Variants in BTG4 observed in about 807,000 individuals in gnomAD.
BTG4 encodes BTG anti-proliferation factor 4.
Under a neutral mutation model 19.3 loss-of-function variants are expected in BTG4, and 10 were observed. That is an observed-to-expected ratio of 0.52 (90% CI 0.32 to 0.88). The LOEUF is 0.88. Ranked by LOEUF, BTG4 falls within the 40% of genes least tolerant of loss-of-function variation. The pLI, the probability that BTG4 is intolerant of heterozygous loss-of-function variation, is 0.04. For missense variants in BTG4, 238 were observed against 281.9 expected (o/e 0.84, Z 1.11); for synonymous variants, 91 against 95.7 (o/e 0.95, Z 0.29).
At chr11:111,453,161 G>A in the BTG4 span, among the ~76,000 whole-genome samples, 527 of 152,268 alleles carry the variant, frequency 3.5e-3, no homozygotes, top group Non-Finnish European at 5.9e-3. Context: ...CTAGGCAAGG[G>A]ATAAGAACTT....
the BTG4 span, among the ~76,000 whole-genome samples, chr11:111,454,033 G>A: frequency 5.9e-5 from 9 of 152,168 alleles, no homozygotes; most frequent in Non-Finnish European, 1.2e-4. Context: ...TGCTTCAGTA[G>A]GTCTTGGATG....
At position 111,510,610 on chromosome 11, in the gene BTG4, T is replaced by C. The variant is rs944767430; in HGVS notation, c.-27+1571A>G. 2.0e-5 allele frequency among the ~76,000 whole-genome samples: 3 copies of C among 151,582 alleles called. No individual in the cohort carries two copies. In the East Asian group the frequency reaches 5.8e-4, roughly 29 times the overall value. On this transcript the variant is annotated intron_variant, in intron 1 of 4. Transcript: ENST00000692032. ...GTTTCTCTAGTAACTGCAGGCCAAA[T>C]CAACAGCAACCCTAAGAACAAGCAT...
At chr11:111,455,970 C>T in the BTG4 span, 1 of 351,644 alleles carries the variant, frequency 2.8e-6, no homozygotes, top group African/African-American at 2.1e-5. Flanking sequence ...GTTCCACCCC[C>T]AGACACCCAG....
At chr11:111,483,475 G>A (rs1331672144) in intron 5 of BTG4, among the ~76,000 whole-genome samples, 1 of 151,976 alleles carries the variant, frequency 6.6e-6, no homozygotes, top group Non-Finnish European at 1.5e-5. Context: ...CAGCAACATA[G>A]ATAAAAAGAT....
At chr11:111,513,173 TC>T (rs1286483979), upstream of BTG4, among the ~76,000 whole-genome samples, 22 of 152,206 alleles carry the variant, frequency 1.4e-4, no homozygotes, top group Admixed American at 6.5e-5. Context: ...CCGCGGTTTC[TC>T]CAGATACAGT....
chr11:111,476,728 T>C (rs1247031218), intron 5 of BTG4, among the ~76,000 whole-genome samples: 1 of 152,112 alleles, frequency 6.6e-6, no homozygotes, highest in African/African-American at 2.4e-5. Flanking sequence ...TCATTGCCCA[T>C]AAGACGGGCT....
rs538673457 is a variant in BTG4 at position 111,509,388 on chromosome 11, C to A, written c.-27+2793G>T. Among the ~76,000 whole-genome samples, 12 of 152,046 alleles carry A rather than the reference C, an allele frequency of 7.9e-5. No individual in the cohort carries two copies. The South Asian group carries it at 2.5e-3, about 32-fold the overall frequency. ...TTTATATTTCCTATGAGTAAATATGCATTTAAAAAAACAGGTTTAGGCCAG... is the reference window on the plus strand; with the variant it reads ...TTTATATTTCCTATGAGTAAATATGAATTTAAAAAAACAGGTTTAGGCCAG... On this transcript the variant is annotated intron_variant, in intron 1 of 4. Coordinates refer to ENST00000692032, the MANE Select transcript of BTG4 (RefSeq NM_001367975.1).
chr11:111,440,421 G>C, the BTG4 span, among the ~76,000 whole-genome samples: 5 of 152,230 alleles, frequency 3.3e-5, no homozygotes, highest in African/African-American at 1.2e-4. Flanking sequence ...TTCAGAGACA[G>C]AGTTTCCTGG....
chr11:111,442,236 C>T, the BTG4 span, among the ~76,000 whole-genome samples: 2 of 151,698 alleles, frequency 1.3e-5, no homozygotes, highest in East Asian at 1.9e-4. Context: ...TGCGGTGGCT[C>T]ACGTCTGTAA....
the BTG4 span, among the ~76,000 whole-genome samples, chr11:111,433,245 A>G: frequency 2.6e-5 from 4 of 152,340 alleles, no homozygotes; most frequent in East Asian, 7.7e-4. Context: ...AAATGAAGCA[A>G]CTGTGGTGTG....
chr11:111,513,281 G>C (rs2156719), upstream of BTG4, among the ~76,000 whole-genome samples: 7 of 152,252 alleles, frequency 4.6e-5, no homozygotes, highest in African/African-American at 1.4e-4. Context: ...TCCATGTAAC[G>C]GTTAATACTG....
At chr11:111,418,075 G>A in the BTG4 span, 1 of 152,116 alleles carries the variant, frequency 6.6e-6, no homozygotes, top group South Asian at 2.1e-4. Context: ...TCTAAGCTAA[G>A]AAGGGAAGCT....
At chr11:111,415,282 T>A in the BTG4 span, among the ~76,000 whole-genome samples, 19 of 152,302 alleles carry the variant, frequency 1.2e-4, no homozygotes, top group African/African-American at 3.8e-4. Flanking sequence ...CACTTTTCCC[T>A]CCTCCAAAGC....
upstream of BTG4, chr11:111,512,468 C>G (rs1867021974): frequency 6.7e-6 from 1 of 148,894 alleles, no homozygotes; most frequent in Non-Finnish European, 1.5e-5. Context: ...GACGGTTGGT[C>G]GCCCCCGCCA....
the BTG4 span, among the ~76,000 whole-genome samples, chr11:111,407,970 G>A: frequency 6.6e-6 from 1 of 152,220 alleles, no homozygotes; most frequent in Admixed American, 6.5e-5. Context: ...GGGTTAGGAT[G>A]GAGAGGGCAC....
the BTG4 span, among the ~76,000 whole-genome samples, chr11:111,452,097 C>CA: frequency 2.0e-5 from 3 of 152,354 alleles, no homozygotes; most frequent in South Asian, 6.2e-4. Flanking sequence ...ATTGCACCAC[C>CA]ACACTGATCC....
At chr11:111,447,870 G>C in the BTG4 span, among the ~76,000 whole-genome samples, 4 of 152,140 alleles carry the variant, frequency 2.6e-5, no homozygotes, top group Non-Finnish European at 5.9e-5. Context: ...GGGATCCTGG[G>C]TCCACTTGTC....
chr11:111,460,657 G>A, the BTG4 span, among the ~76,000 whole-genome samples: 3 of 152,140 alleles, frequency 2.0e-5, no homozygotes, highest in Non-Finnish European at 2.9e-5. Context: ...CCAGCCTCGG[G>A]GAAAGCAAAT....
the BTG4 span, among the ~76,000 whole-genome samples, chr11:111,433,720 C>CAAT: frequency 0.023 from 1,874 of 81,160 alleles, 33 homozygotes; most frequent in African/African-American, 0.071. Flanking sequence ...AAAAAAACAA[C>CAAT]CCCATCAAAA....
Sources: allele counts gnomAD v4.1 joint callset (sites outside exome capture counted in the v4.1 genomes callset), GRCh38; gene constraint gnomAD v4.1.1; transcripts MANE v1.5; gene names NCBI Gene and HGNC (gene_info 2026-07-23, HGNC 2026-07-21).